The following ZNF469 variants were observed in gnomAD, a reference collection of about 807,000 sequenced individuals.
ZNF469 encodes the protein zinc finger protein 469.
A neutral mutation model predicts 1.0 loss-of-function variants in ZNF469; 1 was observed. That is an observed-to-expected ratio of 1.00 (90% CI 0.35 to 4.73). The LOEUF is 4.73. ZNF469 is among the 30% of genes most tolerant of loss of function. ZNF469 has a pLI of 0.16. For synonymous variants in ZNF469, 2,703 were observed against 2,363.4 expected (o/e 1.14, Z -4.17); for missense variants, 6,100 against 5,356.3 (o/e 1.14, Z -4.33).
the ZNF469 span, among the ~76,000 whole-genome samples, chr16:88,113,455 G>C: frequency 1.6e-4 from 24 of 152,322 alleles, no homozygotes; most frequent in African/African-American, 5.8e-4. Flanking sequence ...AGTTGCCATG[G>C]CTTCTGGCGC....
the ZNF469 span, among the ~76,000 whole-genome samples, chr16:88,315,267 C>G: frequency 2.6e-5 from 4 of 152,164 alleles, no homozygotes; most frequent in Non-Finnish European, 5.9e-5. Flanking sequence ...GTGTTGGTGC[C>G]CTCTGAGGTC....
chr16:88,280,351 G>T, the ZNF469 span, among the ~76,000 whole-genome samples: 7 of 151,934 alleles, frequency 4.6e-5, no homozygotes, highest in Middle Eastern at 3.4e-3. Context: ...CCGACACTTG[G>T]TCAGTACTGT....
At chr16:88,301,763 C>A in the ZNF469 span, among the ~76,000 whole-genome samples, 13 of 152,316 alleles carry the variant, frequency 8.5e-5, no homozygotes, top group African/African-American at 2.6e-4. Context: ...CTGTGTACAT[C>A]CTTTTTGTGG....
the ZNF469 span, among the ~76,000 whole-genome samples, chr16:88,305,604 ATGCACACACACCCTCACG>A: frequency 6.8e-6 from 1 of 148,064 alleles, no homozygotes; most frequent in Admixed American, 6.7e-5. Flanking sequence ...ACCCTCACAC[ATGCACACACACCCTCACG>A]TGCACACACA....
At chr16:88,239,673 A>ATATG in the ZNF469 span, among the ~76,000 whole-genome samples, 4 of 3,704 alleles carry the variant, frequency 1.1e-3, 1 homozygote, top group African/African-American at 1.5e-3. Flanking sequence ...TTTTGTATAT[A>ATATG]TATATATATA....
chr16:88,258,700 G>A, the ZNF469 span, among the ~76,000 whole-genome samples: 1 of 152,188 alleles, frequency 6.6e-6, no homozygotes, highest in African/African-American at 2.4e-5. Flanking sequence ...GGTGGTCCTT[G>A]TGGTTCTGAT....
chr16:88,291,124 TA>T, the ZNF469 span, among the ~76,000 whole-genome samples: 1 of 152,172 alleles, frequency 6.6e-6, no homozygotes, highest in Non-Finnish European at 1.5e-5. Context: ...CAAGGGATGC[TA>T]ACCCACATAG....
At chr16:88,216,278 G>A in the ZNF469 span, among the ~76,000 whole-genome samples, 2 of 152,152 alleles carry the variant, frequency 1.3e-5, no homozygotes, top group East Asian at 3.9e-4. Context: ...GGTGGATCAC[G>A]AGGTCAGGAG....
the ZNF469 span, among the ~76,000 whole-genome samples, chr16:88,309,279 G>A: frequency 1.1e-4 from 16 of 152,358 alleles, no homozygotes; most frequent in Middle Eastern, 3.4e-3. Flanking sequence ...GTGGGACAGC[G>A]GTGACCTGTG....
intron 1 of ZNF469, among the ~76,000 whole-genome samples, chr16:88,399,130 G>C (rs1030016239): frequency 2.0e-5 from 3 of 152,244 alleles, no homozygotes; most frequent in Admixed American, 2.0e-4. Context: ...CCACCCAGGG[G>C]CTGCATGTGG....
At chr16:88,223,943 A>G in the ZNF469 span, among the ~76,000 whole-genome samples, 2 of 152,354 alleles carry the variant, frequency 1.3e-5, no homozygotes, top group South Asian at 4.1e-4. Context: ...CATGTGCCGA[A>G]TGAACGAGCG....
the ZNF469 span, among the ~76,000 whole-genome samples, chr16:88,113,543 A>G: frequency 1.3e-3 from 204 of 152,302 alleles, no homozygotes; most frequent in African/African-American, 4.7e-3. Context: ...CCTGTGGCTG[A>G]AGCCCGGCTC....
chr16:88,229,541 G>A, the ZNF469 span, among the ~76,000 whole-genome samples: 7 of 152,072 alleles, frequency 4.6e-5, no homozygotes, highest in Non-Finnish European at 7.4e-5. Context: ...GATGTCACGC[G>A]TGTGGATGTC....
At chr16:88,108,324 C>T in the ZNF469 span, among the ~76,000 whole-genome samples, 2 of 152,174 alleles carry the variant, frequency 1.3e-5, no homozygotes, top group Non-Finnish European at 2.9e-5. Context: ...CACTGTGGCC[C>T]TGGCCATCCC....
intron 1 of ZNF469, among the ~76,000 whole-genome samples, chr16:88,391,128 G>A (rs184630017): frequency 8.6e-4 from 131 of 152,314 alleles, no homozygotes; most frequent in Non-Finnish European, 1.5e-3. Flanking sequence ...GCTGCTGCCC[G>A]GGAGACTGTG....
the ZNF469 span, among the ~76,000 whole-genome samples, chr16:88,281,383 A>G: frequency 2.1e-5 from 3 of 140,440 alleles, no homozygotes; most frequent in Non-Finnish European, 4.6e-5. Flanking sequence ...CCATGTAGAT[A>G]TCAGTGCATG....
chr16:88,132,185 C>A, the ZNF469 span, among the ~76,000 whole-genome samples: 1 of 152,250 alleles, frequency 6.6e-6, no homozygotes, highest in Admixed American at 6.5e-5. Context: ...CATGCCACAG[C>A]GCCAGGCCCC....
the ZNF469 span, among the ~76,000 whole-genome samples, chr16:88,369,152 G>A: frequency 6.6e-5 from 10 of 151,422 alleles, no homozygotes; most frequent in Non-Finnish European, 1.3e-4. Flanking sequence ...ATCCTTGGGC[G>A]CCATCCTGAG....
At chr16:88,372,098 CCATCATCACCATCACCACCAT>C in the ZNF469 span, among the ~76,000 whole-genome samples, 765 of 93,368 alleles carry the variant, frequency 8.2e-3, 16 homozygotes, top group African/African-American at 0.033. Flanking sequence ...ACCATCACCA[CCATCATCACCATCACCACCAT>C]CATCACCATC....
Sources: allele counts gnomAD v4.1 joint callset (sites outside exome capture counted in the v4.1 genomes callset), GRCh38; gene constraint gnomAD v4.1.1; transcripts MANE v1.5; gene names NCBI Gene and HGNC (gene_info 2026-07-23, HGNC 2026-07-21).